ANO4: variants seen among roughly 807,000 people sequenced by gnomAD.
The protein encoded by ANO4 is anoctamin 4.
A neutral mutation model predicts 141.9 loss-of-function variants in ANO4; 69 were observed. The ratio of observed to expected loss-of-function variants is 0.49; its 90% CI spans 0.40 to 0.59. ANO4 has a LOEUF of 0.59. Ranked by LOEUF, ANO4 falls within the 20% of genes least tolerant of loss-of-function variation. The probability of loss-of-function intolerance (pLI) is 0.00; values close to 1 mark genes in which losing one functional copy is unlikely to be tolerated. For missense variants in ANO4, 894 were observed against 1,162.2 expected, an observed-to-expected ratio of 0.77 and a Z score of 3.36; for synonymous variants, 350 against 394.3, an observed-to-expected ratio of 0.89 and a Z score of 1.33.
chr12:100,862,446 T>A (rs2038531234), intron 1 of ANO4, among the ~76,000 whole-genome samples: 1 of 152,070 alleles, frequency 6.6e-6, no homozygotes, highest in African/African-American at 2.4e-5. Flanking sequence ...CTCAGCCTCA[T>A]AAGTAGCTAG....
At chr12:100,746,330 G>A (rs1242261572) in intron 3 of ANO4, among the ~76,000 whole-genome samples, 2 of 152,124 alleles carry the variant, frequency 1.3e-5, no homozygotes, top group Non-Finnish European at 2.9e-5. Flanking sequence ...TCATGCACCT[G>A]TAATCCTAGC....
intron 5 of ANO4, among the ~76,000 whole-genome samples, chr12:100,964,006 A>C (rs1191315051): frequency 6.6e-6 from 1 of 152,210 alleles, no homozygotes; most frequent in African/African-American, 2.4e-5. Context: ...TTATGAATTG[A>C]GTAATGTGCC....
intron 1 of ANO4, among the ~76,000 whole-genome samples, chr12:100,879,069 A>G (rs2039446778): frequency 6.6e-6 from 1 of 152,140 alleles, no homozygotes; most frequent in South Asian, 2.1e-4. Flanking sequence ...TACAGGAAAG[A>G]GTGTTAAATG....
chr12:100,933,345 C>A (rs1457058095), intron 3 of ANO4, among the ~76,000 whole-genome samples: 1 of 152,114 alleles, frequency 6.6e-6, no homozygotes, highest in South Asian at 2.1e-4. Flanking sequence ...GTTCAGTTCC[C>A]ACCTATGAGT....
At chr12:101,125,120 T>C (rs1566283539) in intron 26 of ANO4, among the ~76,000 whole-genome samples, 1 of 152,222 alleles carries the variant, frequency 6.6e-6, no homozygotes, top group South Asian at 2.1e-4. Flanking sequence ...CATTTTTCCA[T>C]CTGCTTGTGT....
chr12:100,942,449 G>T lies in ANO4; in HGVS notation c.370G>T (p.Val124Leu). 1 of 1,614,060 alleles carries T rather than the reference G, an allele frequency of 6.2e-7. No homozygotes were observed. The highest frequency in any genetic ancestry group is 8.5e-7 in the Non-Finnish European group (1 of 1,179,990). The change falls in exon 5 of 28, where the codon GTG becomes TTG. Residue 124 changes from valine to leucine, a missense_variant. Val to Leu is a conservative substitution (Grantham distance 32). Coordinates refer to ENST00000392977, the MANE Select transcript of ANO4 (RefSeq NM_001286615.2). ...DGKCRIDYILVYRKSNPQTEK... is the reference protein window; with the variant it reads ...DGKCRIDYILLYRKSNPQTEK... ...AAAGTGTCGAATTGACTACATCCTT[G>T]TGTACAGAAAATCCAACCCCCAGAC... is the stretch of plus-strand genomic sequence containing the variant.
At chr12:100,914,163 G>T (rs942142069) in intron 2 of ANO4, among the ~76,000 whole-genome samples, 3 of 152,202 alleles carry the variant, frequency 2.0e-5, no homozygotes, top group African/African-American at 4.8e-5. Flanking sequence ...GGAACTTTTA[G>T]TGCAGGGATG....
At chr12:101,019,419 C>T (rs2046435206) in intron 8 of ANO4, among the ~76,000 whole-genome samples, 2 of 152,060 alleles carry the variant, frequency 1.3e-5, no homozygotes, top group African/African-American at 4.8e-5. Flanking sequence ...CACATGCACC[C>T]TTGACAAAGT....
At chr12:101,016,737 T>G (rs2046332483) in intron 8 of ANO4, among the ~76,000 whole-genome samples, 2 of 152,206 alleles carry the variant, frequency 1.3e-5, no homozygotes, top group African/African-American at 4.8e-5. Flanking sequence ...TCATGGAATG[T>G]AATAGAAACT....
intron 22 of ANO4, among the ~76,000 whole-genome samples, chr12:101,104,670 T>TAA (rs71091477): frequency 3.5e-5 from 2 of 56,672 alleles, no homozygotes; most frequent in Non-Finnish European, 6.0e-5. Context: ...TATATATATA[T>TAA]AAATAAAAAG....
intron 2 of ANO4, among the ~76,000 whole-genome samples, chr12:100,910,134 C>A (rs1365675373): frequency 6.6e-6 from 1 of 152,054 alleles, no homozygotes; most frequent in Non-Finnish European, 1.5e-5. Context: ...TCCTACATAG[C>A]CTTGTTATGG....
chr12:101,101,686 GA>G (rs796861084), intron 22 of ANO4, among the ~76,000 whole-genome samples: 77 of 143,798 alleles, frequency 5.4e-4, no homozygotes, highest in East Asian at 2.0e-3. Flanking sequence ...CTTGAGTCAG[GA>G]AAAAAAAAAA....
intron 6 of ANO4, among the ~76,000 whole-genome samples, chr12:100,973,440 T>C (rs1290410640): frequency 2.6e-5 from 4 of 152,248 alleles, no homozygotes; most frequent in Admixed American, 6.5e-5. Context: ...TGGATTTTTA[T>C]CCCTATAATG....
At chr12:101,042,808 A>G (rs192537785) in intron 12 of ANO4, among the ~76,000 whole-genome samples, 1 of 152,216 alleles carries the variant, frequency 6.6e-6, no homozygotes, top group African/African-American at 2.4e-5. Context: ...TGAACTAACA[A>G]TTCTCTCTTA....
chr12:100,954,322 G>A (rs916620617), intron 5 of ANO4, among the ~76,000 whole-genome samples: 1 of 152,248 alleles, frequency 6.6e-6, no homozygotes, highest in South Asian at 2.1e-4. Flanking sequence ...CAGGTCACAG[G>A]TGCCGGCGTG....
chr12:101,048,024 A>C (rs779065152), intron 13 of ANO4: 1 of 1,080,610 alleles, frequency 9.3e-7, no homozygotes, highest in African/African-American at 1.6e-5. Flanking sequence ...AACTATATCC[A>C]TACACATATG....
intron 3 of ANO4, among the ~76,000 whole-genome samples, chr12:100,927,425 C>T (rs1404498194): frequency 1.3e-5 from 2 of 151,936 alleles, no homozygotes; most frequent in Non-Finnish European, 2.9e-5. Flanking sequence ...TACAGTAGCA[C>T]CTATTAAAAC....
chr12:101,114,039 A>G (rs559728842), intron 24 of ANO4, among the ~76,000 whole-genome samples: 1 of 152,284 alleles, frequency 6.6e-6, no homozygotes, highest in East Asian at 1.9e-4. Flanking sequence ...CTCCCTGATC[A>G]TCAGTGTAGC....
At chr12:100,927,637 G>A (rs1360928874) in intron 3 of ANO4, among the ~76,000 whole-genome samples, 1 of 152,108 alleles carries the variant, frequency 6.6e-6, no homozygotes, top group Non-Finnish European at 1.5e-5. Flanking sequence ...TGGCTACTGT[G>A]AAGCATGTCA....
Sources: allele counts gnomAD v4.1 joint callset (sites outside exome capture counted in the v4.1 genomes callset), GRCh38; gene constraint gnomAD v4.1.1; transcripts MANE v1.5; gene names NCBI Gene and HGNC (gene_info 2026-07-23, HGNC 2026-07-21).